The following LGSN variants were observed in gnomAD, a reference collection of about 807,000 sequenced individuals.
The protein encoded by LGSN is lengsin.
LGSN carries 21 observed loss-of-function variants against 19.5 expected under a neutral mutation model. The observed-to-expected ratio is 1.07, with a 90% CI of 0.76 to 1.55. The LOEUF (loss-of-function observed/expected upper bound fraction) is 1.55, where lower values mean the gene tolerates loss of function less well. Among genes scored for constraint, LGSN ranks in the 40% most tolerant of loss-of-function variants. LGSN has a pLI of 0.00. For synonymous variants in LGSN, 257 were observed against 215.6 expected (o/e 1.19, Z -1.68); for missense variants, 673 against 608.5 (o/e 1.11, Z -1.12).
chr6:63,419,136 G>C, the LGSN span, among the ~76,000 whole-genome samples: 1 of 152,056 alleles, frequency 6.6e-6, no homozygotes, highest in Non-Finnish European at 1.5e-5. Flanking sequence ...AAAATCCAGG[G>C]ATCTTATCAC....
At chr6:63,306,101 T>C (rs1768374434) in intron 1 of LGSN, among the ~76,000 whole-genome samples, 1 of 152,156 alleles carries the variant, frequency 6.6e-6, no homozygotes, top group African/African-American at 2.4e-5. Context: ...AAATAATACC[T>C]ATAAAAATAT....
intron 2 of LGSN, among the ~76,000 whole-genome samples, chr6:63,289,512 C>T (rs1767683814): frequency 6.6e-6 from 1 of 151,856 alleles, no homozygotes; most frequent in Admixed American, 6.6e-5. Context: ...CAGTGTGGTT[C>T]CTAGGAGATT....
chr6:63,545,953 G>A, the LGSN span, among the ~76,000 whole-genome samples: 1 of 152,092 alleles, frequency 6.6e-6, no homozygotes, highest in Admixed American at 6.5e-5. Context: ...AGAATATCCA[G>A]AAAGTAGTTT....
the LGSN span, among the ~76,000 whole-genome samples, chr6:63,529,634 G>C: frequency 6.6e-6 from 1 of 152,096 alleles, no homozygotes; most frequent in Non-Finnish European, 1.5e-5. Flanking sequence ...TCAAAAGCTT[G>C]GTTTGAGCAG....
chr6:63,439,456 A>T, the LGSN span, among the ~76,000 whole-genome samples: 1 of 152,100 alleles, frequency 6.6e-6, no homozygotes, highest in Non-Finnish European at 1.5e-5. Context: ...TGGAGGTTGC[A>T]GTGATCCCAG....
the LGSN span, among the ~76,000 whole-genome samples, chr6:63,363,466 A>C: frequency 6.6e-6 from 1 of 152,214 alleles, no homozygotes; most frequent in East Asian, 1.9e-4. Context: ...AGATTAGATG[A>C]ATGGCCAACT....
chr6:63,293,219 A>C (rs1767843471), intron 2 of LGSN, among the ~76,000 whole-genome samples: 3 of 152,122 alleles, frequency 2.0e-5, no homozygotes, highest in African/African-American at 4.8e-5. Flanking sequence ...CTGGTCTCGA[A>C]TTCCAGGCCT....
chr6:63,423,178 CT>C, the LGSN span, among the ~76,000 whole-genome samples: 6 of 152,048 alleles, frequency 3.9e-5, no homozygotes, highest in African/African-American at 1.4e-4. Context: ...GAGATCCTGT[CT>C]CTACAAAAAA....
At chr6:63,534,781 C>CTAAAGAATTTCTTTAGTAAAGAATTTCG in the LGSN span, among the ~76,000 whole-genome samples, 4 of 137,848 alleles carry the variant, frequency 2.9e-5, no homozygotes, top group Non-Finnish European at 6.1e-5. Context: ...AATTTCTTTA[C>CTAAAGAATTTCTTTAGTAAAGAATTTCG]TAAAGAATTT....
At chr6:63,327,861 C>G in the LGSN span, among the ~76,000 whole-genome samples, 1 of 152,100 alleles carries the variant, frequency 6.6e-6, no homozygotes, top group African/African-American at 2.4e-5. Context: ...GCTTATGCTG[C>G]TGTTCTCCCC....
At chr6:63,443,464 G>C in the LGSN span, 1 of 244,876 alleles carries the variant, frequency 4.1e-6, no homozygotes, top group South Asian at 1.1e-4. Flanking sequence ...CCAAGAGCAA[G>C]TGAGGGCTGC....
intron 1 of LGSN, among the ~76,000 whole-genome samples, chr6:63,297,354 CAAA>C (rs75453519): frequency 2.8e-4 from 21 of 73,934 alleles, no homozygotes; most frequent in East Asian, 1.3e-3. Context: ...GCCTCGGTAT[CAAA>C]AAAAAAAAAA....
chr6:63,433,511 C>T, the LGSN span, among the ~76,000 whole-genome samples: 1 of 152,156 alleles, frequency 6.6e-6, no homozygotes, highest in East Asian at 1.9e-4. Flanking sequence ...TGCCTGTAAC[C>T]AGTAATCTTT....
At chr6:63,496,434 G>T in the LGSN span, among the ~76,000 whole-genome samples, 1 of 152,206 alleles carries the variant, frequency 6.6e-6, no homozygotes, top group Non-Finnish European at 1.5e-5. Context: ...GGAATTATAG[G>T]CAATTAAGAC....
At chr6:63,445,685 T>C in the LGSN span, among the ~76,000 whole-genome samples, 1 of 152,176 alleles carries the variant, frequency 6.6e-6, no homozygotes, top group Non-Finnish European at 1.5e-5. Flanking sequence ...TGTGTGGTCA[T>C]TACCTTCAAT....
chr6:63,508,272 A>G, the LGSN span, among the ~76,000 whole-genome samples: 1 of 152,222 alleles, frequency 6.6e-6, no homozygotes, highest in South Asian at 2.1e-4. Flanking sequence ...CCTCAAAAAC[A>G]ACTTCCTAAA....
At chr6:63,499,489 A>T in the LGSN span, among the ~76,000 whole-genome samples, 1 of 152,048 alleles carries the variant, frequency 6.6e-6, no homozygotes. Flanking sequence ...GGGCTTTAAG[A>T]GTTTTTCAAT....
At chr6:63,456,928 A>G in the LGSN span, among the ~76,000 whole-genome samples, 3 of 152,234 alleles carry the variant, frequency 2.0e-5, no homozygotes, top group African/African-American at 4.8e-5. Flanking sequence ...AGTTTCCAAC[A>G]AAACAGTTCA....
chr6:63,385,034 T>A, the LGSN span, among the ~76,000 whole-genome samples: 2 of 152,200 alleles, frequency 1.3e-5, no homozygotes, highest in East Asian at 3.8e-4. Flanking sequence ...TGAATCTTGG[T>A]GTTGAACTTC....
Sources: gnomAD v4.1 joint callset for allele counts (sites outside exome capture counted in the v4.1 genomes callset) on GRCh38, gnomAD v4.1.1 for gene constraint, MANE v1.5 for transcripts, NCBI Gene and HGNC (gene_info 2026-07-23, HGNC 2026-07-21) for gene names.